The following AGAP4 variants were observed in gnomAD, a reference collection of about 807,000 sequenced individuals.
AGAP4 encodes ArfGAP with GTPase domain, ankyrin repeat and PH domain 4.
A neutral mutation model predicts 60.7 loss-of-function variants in AGAP4; 13 were observed. The observed-to-expected ratio is 0.21, with a 90% CI of 0.14 to 0.34. AGAP4 has a LOEUF of 0.34. AGAP4 is among the 10% of genes least tolerant of loss of function. The pLI is 1.00. For missense variants in AGAP4, 169 were observed against 884.0 expected (o/e 0.19, Z 10.26); for synonymous variants, 70 against 339.0 (o/e 0.21, Z 8.72).
chr10:45,848,058 C>T (rs75202887), upstream of AGAP4: 4,354 of 991,234 alleles, frequency 4.4e-3, 18 homozygotes, highest in Middle Eastern at 6.8e-3. Context: ...AGTTGAACAA[C>T]TTTTATTTGC....
chr10:45,841,102 C>A (rs1373934300), intron 4 of AGAP4, among the ~76,000 whole-genome samples: 4 of 83,814 alleles, frequency 4.8e-5, no homozygotes, highest in Non-Finnish European at 7.3e-5. Context: ...ATATTTAAGG[C>A]AATTTTTTTT....
chr10:45,846,973 A>G, intron 1 of AGAP4, 152 bp downstream of exon 1: 2 of 1,591,322 alleles, frequency 1.3e-6, no homozygotes, highest in South Asian at 2.2e-5. Flanking sequence ...GTGGGAATTC[A>G]AGGCAGAGCC....
chr10:45,849,692 G>C (rs2059058877), upstream of AGAP4, among the ~76,000 whole-genome samples: 1 of 150,948 alleles, frequency 6.6e-6, no homozygotes, highest in African/African-American at 2.4e-5. Flanking sequence ...CCAGGCAGGA[G>C]TGCAATGGCA....
At chr10:45,828,717 A>G in intron 6 of AGAP4, among the ~76,000 whole-genome samples, 1 of 67,462 alleles carries the variant, frequency 1.5e-5, no homozygotes, top group Non-Finnish European at 2.8e-5. Context: ...TTTTTTTGAG[A>G]CCAAGTTTTA....
chr10:45,841,134 GCT>G lies in AGAP4; in HGVS notation c.396+517_396+518del, dbSNP rs782143083. ...TTTTTTTTTTTTGAGACAGAGTTTT[GCT>G]CTGTCGTCCAGGCTGGAGTGCAATG... On this transcript the variant is annotated intron_variant, in intron 4 of 7. Coordinates refer to ENST00000616763, the MANE Select transcript of AGAP4 (RefSeq NM_001276343.3). Among the ~76,000 whole-genome samples, 140 of 84,132 alleles carry G rather than the reference GCT, an allele frequency of 1.7e-3. 19 individuals are homozygous for G. Among genetic ancestry groups the G allele is most frequent in the Non-Finnish European group, 1.5e-3 (62 of 41,650 alleles). The allele number at this position is 84,132 out of a possible 152,430, so 55.2% of individuals were successfully genotyped here.
chr10:45,848,031 G>C (rs146938176), upstream of AGAP4: 24,974 of 948,096 alleles, frequency 0.026, 703 homozygotes, highest in Middle Eastern at 0.038. Context: ...CAGTAGAGTG[G>C]GTCCAATTAG....
chr10:45,850,079 A>G (rs1590044377), upstream of AGAP4, among the ~76,000 whole-genome samples: 2 of 151,806 alleles, frequency 1.3e-5, no homozygotes, highest in South Asian at 4.2e-4. Flanking sequence ...ACAGGAGCCC[A>G]ACCCCATGCT....
intron 4 of AGAP4, among the ~76,000 whole-genome samples, chr10:45,834,963 C>T (rs1249166451): frequency 6.8e-5 from 10 of 146,488 alleles, no homozygotes; most frequent in Admixed American, 6.7e-4. Context: ...TTAGTAGAGA[C>T]GGGGTTTCAC....
chr10:45,844,346 T>C lies in AGAP4; in HGVS notation c.341A>G (p.Gln114Arg), dbSNP rs2058967332. ...CTCACCATCTGTTTGAGAGTTCCTC[T>C]GGAATATTGTGCTTGCCTCTGGATT... ...SANPEASTIF[Q>R]RNSQTDVVEI... Residue 114 changes from glutamine to arginine, a missense_variant, in exon 3 of 8, where the codon CAG becomes CGG. Gln to Arg is a conservative substitution (Grantham distance 43). Transcript: ENST00000616763. The C allele has an allele frequency of 1.3e-6, 2 of 1,594,738 alleles. 1 individual carries two copies. The highest frequency in any genetic ancestry group is 2.2e-5 in the South Asian group (2 of 90,948).
chr10:45,829,247 C>A (rs1295334780), intron 6 of AGAP4, among the ~76,000 whole-genome samples: 2 of 125,668 alleles, frequency 1.6e-5, no homozygotes, highest in Non-Finnish European at 3.3e-5. Flanking sequence ...TTAAGAATGT[C>A]TTTGATGAAG....
At chr10:45,849,018 G>A (rs2135972398), upstream of AGAP4, 1 of 149,458 alleles carries the variant, frequency 6.7e-6, no homozygotes, top group South Asian at 2.3e-4. Context: ...CTGAGGTCAG[G>A]AGTTTGAGAC....
upstream of AGAP4, among the ~76,000 whole-genome samples, chr10:45,850,721 A>G (rs2059073052): frequency 6.6e-6 from 1 of 152,192 alleles, no homozygotes; most frequent in South Asian, 2.1e-4. Context: ...AAGTAGAAGG[A>G]AAACAGAGCT....
chr10:45,838,142 C>T (rs1357788483), intron 4 of AGAP4, among the ~76,000 whole-genome samples: 1,433 of 140,022 alleles, frequency 0.01, 1 homozygote, highest in African/African-American at 0.037. Flanking sequence ...TCATGGCATT[C>T]CCAGCAACCT....
chr10:45,840,029 G>C (rs2058891743), intron 4 of AGAP4, among the ~76,000 whole-genome samples: 1 of 150,096 alleles, frequency 6.7e-6, no homozygotes, highest in Admixed American at 6.6e-5. Flanking sequence ...CAGTAAAAAA[G>C]TAACAGAGAA....
intron 1 of AGAP4, among the ~76,000 whole-genome samples, chr10:45,853,449 A>AT (rs2059107925): frequency 6.6e-6 from 1 of 151,544 alleles, no homozygotes; most frequent in Non-Finnish European, 1.5e-5. Context: ...GCCCAGTGAT[A>AT]TGTGCATTAG....
chr10:45,828,604 C>CCAGTG (rs2058682149), intron 6 of AGAP4, among the ~76,000 whole-genome samples: 1 of 146,714 alleles, frequency 6.8e-6, no homozygotes, highest in East Asian at 2.0e-4. Context: ...TGTGTATAAA[C>CCAGTG]CAGTGGTTCT....
At chr10:45,836,859 G>A (rs1340749665) in intron 4 of AGAP4, among the ~76,000 whole-genome samples, 1 of 141,356 alleles carries the variant, frequency 7.1e-6, no homozygotes, top group African/African-American at 2.7e-5. Context: ...TTTGATCATG[G>A]TGGATTATCT....
At chr10:45,831,802 C>T (rs1243122462) in intron 5 of AGAP4, among the ~76,000 whole-genome samples, 2 of 127,640 alleles carry the variant, frequency 1.6e-5, no homozygotes, top group African/African-American at 2.9e-5. Flanking sequence ...TGCAGTGGTG[C>T]CATCTTGACT....
At chr10:45,849,473 G>GATTAGT (rs2059054956), upstream of AGAP4, among the ~76,000 whole-genome samples, 2 of 145,106 alleles carry the variant, frequency 1.4e-5, no homozygotes, top group Non-Finnish European at 3.0e-5. Flanking sequence ...TGATGATGAT[G>GATTAGT]ATTATTATTA....
Sources: allele counts gnomAD v4.1 joint callset (sites outside exome capture counted in the v4.1 genomes callset), GRCh38; gene constraint gnomAD v4.1.1; transcripts MANE v1.5; gene names NCBI Gene and HGNC (gene_info 2026-07-23, HGNC 2026-07-21).